The following MMP17 variants were observed in gnomAD, a reference collection of about 807,000 sequenced individuals.
MMP17 encodes the protein matrix metalloproteinase-17.
A neutral mutation model predicts 49.1 loss-of-function variants in MMP17; 54 were observed. The observed-to-expected ratio is 1.10, with a 90% CI of 0.88 to 1.38. The LOEUF is 1.38. Among genes scored for constraint, MMP17 ranks in the 40% most tolerant of loss-of-function variants. MMP17 has a pLI of 0.00. For synonymous variants in MMP17, 397 were observed against 383.1 expected (o/e 1.04, Z -0.42); for missense variants, 837 against 853.7 (o/e 0.98, Z 0.24).
Position 131,850,909 on chromosome 12 carries a change from T to C in MMP17, c.1463-16T>C. 1.4e-6 allele frequency: 2 copies of C among 1,459,328 alleles called. No individual in the cohort carries two copies. The highest frequency in any genetic ancestry group is 1.8e-6 in the Non-Finnish European group (2 of 1,102,484). 90.4% of individuals were successfully genotyped at this position (1,459,328 alleles called of 1,614,324 possible). On this transcript the variant is annotated splice_polypyrimidine_tract_variant and intron_variant, in intron 9 of 9. Coordinates refer to ENST00000360564, the MANE Select transcript of MMP17 (RefSeq NM_016155.7). ...TGCAGCCCTCCCCTGAGCTCAGCTC[T>C]CCCTCCTCTTCTCAGGTGCCTCCTA...
At chr12:131,850,095 TG>T in intron 9 of MMP17, 36 bp downstream of exon 9, 1 of 1,567,244 alleles carries the variant, frequency 6.4e-7, no homozygotes. Flanking sequence ...CATGCGGCCT[TG>T]GTTTCCCCAC....
chr12:131,833,136 A>G (rs1182913178), intron 1 of MMP17, among the ~76,000 whole-genome samples: 1 of 152,210 alleles, frequency 6.6e-6, no homozygotes, highest in African/African-American at 2.4e-5. Flanking sequence ...CACCCACTTC[A>G]TAAGGTTAAC....
rs985491430 is a variant in MMP17, at chr12:131,846,686, A to G, written c.1204+1237A>G. Among the ~76,000 whole-genome samples the G allele has an allele frequency of 6.6e-6, 1 of 152,034 alleles. No homozygotes were observed. The highest frequency in any genetic ancestry group is 2.4e-5 in the African/African-American group (1 of 41,386). On this transcript the variant is annotated intron_variant, in intron 8 of 9. Transcript: ENST00000360564. The surrounding 1 kb of genome is among the most constrained non-coding windows in gnomAD (Gnocchi z 4.6). ...CACTGCACCCGGCCTGCCTAATCCC[A>G]TCTTAACTCATCTTAACTAACACAT...
chr12:131,844,960 C>A, intron 6 of MMP17, 158 bp from the exon 7 acceptor site: 1 of 669,712 alleles, frequency 1.5e-6, no homozygotes, highest in Admixed American at 2.6e-5. Flanking sequence ...ACAGGCACCC[C>A]CGTTTTAATT....
At chr12:131,834,059 C>T (rs1399457329) in intron 1 of MMP17, among the ~76,000 whole-genome samples, 1 of 152,264 alleles carries the variant, frequency 6.6e-6, no homozygotes, top group African/African-American at 2.4e-5. Flanking sequence ...CTGCCTGCAT[C>T]TGCGTCAGAG....
intron 8 of MMP17, among the ~76,000 whole-genome samples, chr12:131,848,587 C>A (rs1887820262): frequency 6.6e-6 from 1 of 151,918 alleles, no homozygotes; most frequent in Admixed American, 6.6e-5. Flanking sequence ...CCCTGGGCAG[C>A]CCCGCCCCTC....
intron 3 of MMP17, among the ~76,000 whole-genome samples, 179 bp downstream of exon 3, chr12:131,838,920 AG>A (rs2136321149): frequency 6.8e-6 from 1 of 146,160 alleles, no homozygotes; most frequent in African/African-American, 2.6e-5. Context: ...GCGCGTGGCC[AG>A]GGTGGGGAAC....
intron 1 of MMP17, among the ~76,000 whole-genome samples, chr12:131,837,201 G>A (rs1887126943): frequency 6.6e-6 from 1 of 152,238 alleles, no homozygotes; most frequent in East Asian, 1.9e-4. Flanking sequence ...CAAGGACTCT[G>A]AGGAAGGAGC....
chr12:131,845,082 C>A, intron 6 of MMP17, 36 bp from the exon 7 acceptor site: 1 of 1,582,604 alleles, frequency 6.3e-7, no homozygotes, highest in South Asian at 1.1e-5. Flanking sequence ...GCTGCCCAGG[C>A]CCCGCCTCCC....
intron 5 of MMP17, 88 bp downstream of exon 5, chr12:131,841,888 G>A: frequency 1.4e-6 from 2 of 1,395,192 alleles, no homozygotes; most frequent in Non-Finnish European, 1.9e-6. Flanking sequence ...CCCCGGGAGG[G>A]TTTGCTCTCC....
rs752452183 is a variant in MMP17, at chr12:131,844,099, G to A, written c.968+18G>A. Reference sequence around the variant, plus strand: ...AGCGCCCCGTAAGCCCTGGGCCCACGGTCACCACCCGCTGGGGTCTGTCTG... The same window carrying A: ...AGCGCCCCGTAAGCCCTGGGCCCACAGTCACCACCCGCTGGGGTCTGTCTG... On this transcript the variant is annotated intron_variant, in intron 6 of 9. Transcript: ENST00000360564. 5.4e-5 allele frequency: 83 copies of A among 1,541,832 alleles called. No homozygotes were observed. Among genetic ancestry groups the A allele is most frequent in the Admixed American group, 1.9e-4 (10 of 51,814 alleles).
Position 131,841,641 on chromosome 12 carries a change from C to G in MMP17, c.724C>G (p.Leu242Val). The G allele has an allele frequency of 1.9e-6, 3 of 1,614,058 alleles. No homozygotes were observed. Among genetic ancestry groups the G allele is most frequent in the Non-Finnish European group, 2.5e-6 (3 of 1,180,002 alleles). ...GTCCCCAGATGCCCACGGGATGGAC[C>G]TGTTTGCAGTGGCTGTCCACGAGTT... ...FRSSDAHGMD[L>V]FAVAVHEFGH... is the part of the protein sequence containing the mutation. The change falls in exon 5 of 10, where the codon CTG becomes GTG. Residue 242 changes from leucine to valine, a missense_variant. Physicochemically the swap from Leu to Val is conservative, Grantham distance 32. Coordinates refer to ENST00000360564, the MANE Select transcript of MMP17 (RefSeq NM_016155.7).
chr12:131,835,602 TG>T (rs1887045970), intron 1 of MMP17, among the ~76,000 whole-genome samples: 1 of 151,992 alleles, frequency 6.6e-6, no homozygotes, highest in Non-Finnish European at 1.5e-5. Flanking sequence ...ACGGGAAGGC[TG>T]GGGGGTGAGT....
At position 131,846,923 on chromosome 12, in the gene MMP17, G is replaced by A. The variant is rs918576831; in HGVS notation, c.1204+1474G>A. ...TGCCCGGCCCTCAGCATTTGACTCC[G>A]TCACCCCCATCACCTGGGAGCCCTC... On this transcript the variant is annotated intron_variant, in intron 8 of 9. Transcript: ENST00000360564. This position sits in a 1 kb window ranked among gnomAD's most constrained non-coding sequence, Gnocchi z 4.6. Among the ~76,000 whole-genome samples, 2 of 151,968 alleles carry A rather than the reference G, an allele frequency of 1.3e-5. No individual in the cohort carries two copies. The highest frequency in any genetic ancestry group is 2.4e-5 in the African/African-American group (1 of 41,374).
At chr12:131,837,813 C>T (rs924505671) in intron 1 of MMP17, among the ~76,000 whole-genome samples, 8 of 152,220 alleles carry the variant, frequency 5.3e-5, no homozygotes, top group Non-Finnish European at 1.2e-4. Context: ...TGGGTTCCCA[C>T]CACTCTCCTG....
rs778858266 is a variant in MMP17, at chr12:131,840,823, G to C, written c.673G>C (p.Asp225His). ...HHHTAGDTHF[D>H]DDEAWTFRSS... ...CCACACCGCCGGGGACACCCACTTTGACGATGACGAGGCCTGGACCTTCCG... is the reference window on the plus strand; with the variant it reads ...CCACACCGCCGGGGACACCCACTTTCACGATGACGAGGCCTGGACCTTCCG... The change falls in exon 4 of 10, where the codon GAC becomes CAC. Residue 225 changes from aspartate to histidine, a missense_variant. Coordinates refer to ENST00000360564, the MANE Select transcript of MMP17 (RefSeq NM_016155.7). 19 of 1,607,060 alleles carry C rather than the reference G, an allele frequency of 1.2e-5. No individual in the cohort carries two copies. Among genetic ancestry groups the C allele is most frequent in the Non-Finnish European group, 1.4e-5 (17 of 1,179,448 alleles).
At chr12:131,844,729 G>A (rs563208450) in intron 6 of MMP17, 5 of 271,038 alleles carry the variant, frequency 1.8e-5, no homozygotes, top group South Asian at 5.1e-5. Flanking sequence ...ACCTTCTGTC[G>A]CTACAGCCAC....
In MMP17 at chr12:131,849,969, A is replaced by C; in HGVS notation, c.1372A>C (p.Thr458Pro). Residue 458 changes from threonine (T) to proline (P), a missense_variant, in exon 9 of 10, where the codon ACG (threonine) becomes CCG (proline). Coordinates refer to ENST00000360564, the MANE Select transcript of MMP17 (RefSeq NM_016155.7). ...DQLYWRYDDH[T>P]RHMDPGYPAQ... ...GCTGTACTGGCGCTACGATGACCACACGAGGCACATGGACCCCGGCTACCC... is the reference window on the plus strand; with the variant it reads ...GCTGTACTGGCGCTACGATGACCACCCGAGGCACATGGACCCCGGCTACCC... 1 of 1,613,934 alleles carries C rather than the reference A, an allele frequency of 6.2e-7. No individual in the cohort carries two copies. Among genetic ancestry groups the C allele is most frequent in the Non-Finnish European group, 8.5e-7 (1 of 1,179,976 alleles).
intron 1 of MMP17, among the ~76,000 whole-genome samples, chr12:131,829,463 C>T (rs576114787): frequency 1.3e-5 from 2 of 151,968 alleles, no homozygotes; most frequent in Non-Finnish European, 2.9e-5. Context: ...AGCGCCCCCC[C>T]GCTGGGGCGG....
Sources: allele counts gnomAD v4.1 joint callset (sites outside exome capture counted in the v4.1 genomes callset), GRCh38; gene constraint gnomAD v4.1.1; non-coding constraint Gnocchi (gnomAD v3.1); transcripts MANE v1.5; gene names NCBI Gene and HGNC (gene_info 2026-07-23, HGNC 2026-07-21).